The following AATF variants were observed in gnomAD, a reference collection of about 807,000 sequenced individuals.
The protein encoded by AATF is protein AATF.
A neutral mutation model predicts 63.7 loss-of-function variants in AATF; 48 were observed. The observed-to-expected ratio is 0.75, with a 90% CI of 0.60 to 0.96. AATF has a LOEUF of 0.96. Ranked by LOEUF, AATF falls within the 40% of genes least tolerant of loss-of-function variation. The pLI is 0.00. For missense variants in AATF, 639 were observed against 685.7 expected, an observed-to-expected ratio of 0.93 and a Z score of 0.76; for synonymous variants, 258 against 247.7, an observed-to-expected ratio of 1.04 and a Z score of -0.39.
intron 8 of AATF, among the ~76,000 whole-genome samples, chr17:37,008,817 C>T (rs1313786201): frequency 2.0e-5 from 3 of 152,288 alleles, no homozygotes; most frequent in East Asian, 1.9e-4. Flanking sequence ...CACTGCACTC[C>T]AGTGTGAGCG....
chr17:37,011,790 G>C (rs181037612), intron 8 of AATF, among the ~76,000 whole-genome samples: 20 of 152,274 alleles, frequency 1.3e-4, no homozygotes, highest in Non-Finnish European at 2.6e-4. Context: ...ATGCCCATTA[G>C]ACATAGAGAT....
intron 11 of AATF, among the ~76,000 whole-genome samples, chr17:37,050,629 G>T (rs936097003): frequency 6.6e-6 from 1 of 152,214 alleles, no homozygotes; most frequent in South Asian, 2.1e-4. Flanking sequence ...TACTTGTAGG[G>T]TTTCAGATCG....
At chr17:37,010,578 A>T (rs1353644472) in intron 8 of AATF, among the ~76,000 whole-genome samples, 1 of 152,208 alleles carries the variant, frequency 6.6e-6, no homozygotes, top group Non-Finnish European at 1.5e-5. Flanking sequence ...CACACAGCAT[A>T]CAGTCAGCAA....
chr17:37,007,963 T>C (rs2071354813), intron 8 of AATF, among the ~76,000 whole-genome samples: 1 of 152,224 alleles, frequency 6.6e-6, no homozygotes, highest in Non-Finnish European at 1.5e-5. Flanking sequence ...CTTTAACCCA[T>C]AGCATACTTT....
At chr17:37,031,053 T>G (rs1264410229) in intron 10 of AATF, among the ~76,000 whole-genome samples, 3 of 152,214 alleles carry the variant, frequency 2.0e-5, no homozygotes, top group Admixed American at 6.5e-5. Context: ...TACAGTATAC[T>G]GTTATCAGAC....
At position 37,056,867 on chromosome 17, in the gene AATF, C is replaced by T. The variant is rs1191596196; in HGVS notation, c.*203C>T. The stretch of plus-strand genomic sequence containing the variant: ...CGCCACAAATAAAGAGCATTGTTAC[C>T]GCCACCACCGCTTGTGATTTCTTAA... On this transcript the variant is annotated 3_prime_UTR_variant, in exon 12 of 12. Transcript: ENST00000619387. 2.7e-5 allele frequency: 16 copies of T among 584,958 alleles called. No individual in the cohort carries two copies. The highest frequency in any genetic ancestry group is 1.7e-4 in the East Asian group (6 of 35,254). 36.2% of individuals were successfully genotyped at this position (584,958 alleles called of 1,614,324 possible). A position where few individuals can be genotyped will look rare whatever the true frequency, so the allele number is the denominator to read the frequency against.
intron 8 of AATF, among the ~76,000 whole-genome samples, chr17:36,994,594 G>A (rs936777086): frequency 2.0e-5 from 3 of 152,174 alleles, no homozygotes; most frequent in Non-Finnish European, 4.4e-5. Flanking sequence ...TTGTCAAAGC[G>A]CATTCCTAAA....
At chr17:37,042,013 A>G (rs1008148462) in intron 11 of AATF, among the ~76,000 whole-genome samples, 2 of 151,132 alleles carry the variant, frequency 1.3e-5, no homozygotes, top group African/African-American at 4.9e-5. Context: ...TCCTTTGCCC[A>G]TTTTCTTTTT....
At chr17:36,997,049 G>A (rs1206974684) in intron 8 of AATF, among the ~76,000 whole-genome samples, 1 of 152,108 alleles carries the variant, frequency 6.6e-6, no homozygotes, top group Non-Finnish European at 1.5e-5. Flanking sequence ...GCAAATATGT[G>A]GCCAAAATTA....
chr17:36,974,252 GT>G (rs1371107972), intron 4 of AATF, among the ~76,000 whole-genome samples: 1 of 152,024 alleles, frequency 6.6e-6, no homozygotes, highest in Admixed American at 6.6e-5. Flanking sequence ...TCTGTAATTT[GT>G]TTTGCAGTCC....
chr17:37,030,541 T>C (rs1040308779), intron 10 of AATF, among the ~76,000 whole-genome samples: 1 of 152,144 alleles, frequency 6.6e-6, no homozygotes, highest in Non-Finnish European at 1.5e-5. Context: ...CTGTATAAGG[T>C]CATATATTTT....
At chr17:36,973,558 AG>A (rs1208238441) in intron 4 of AATF, among the ~76,000 whole-genome samples, 1 of 152,220 alleles carries the variant, frequency 6.6e-6, no homozygotes, top group Non-Finnish European at 1.5e-5. Context: ...ATAGAACAGA[AG>A]GCTTAGAGCA....
intron 4 of AATF, among the ~76,000 whole-genome samples, chr17:36,981,519 C>T (rs2071123531): frequency 6.6e-6 from 1 of 151,770 alleles, no homozygotes; most frequent in African/African-American, 2.4e-5. Flanking sequence ...TCATGGGTCA[C>T]TGCAGCCTCG....
chr17:37,046,510 C>T (rs941475496), intron 11 of AATF, among the ~76,000 whole-genome samples: 2 of 152,086 alleles, frequency 1.3e-5, no homozygotes, highest in Non-Finnish European at 2.9e-5. Flanking sequence ...TCCCCTGACT[C>T]GCATTGCAGA....
At chr17:37,044,302 A>G (rs958551142) in intron 11 of AATF, among the ~76,000 whole-genome samples, 2 of 152,194 alleles carry the variant, frequency 1.3e-5, no homozygotes, top group Non-Finnish European at 1.5e-5. Context: ...CTCCATGCTA[A>G]ACCATTGCAC....
intron 4 of AATF, among the ~76,000 whole-genome samples, chr17:36,960,947 G>T (rs1313158159): frequency 6.6e-6 from 1 of 152,112 alleles, no homozygotes; most frequent in African/African-American, 2.4e-5. Flanking sequence ...GAAGCATAAA[G>T]AAGAAAATAA....
At position 36,954,445 on chromosome 17, in the gene AATF, A is replaced by G. The variant is rs144407907; in HGVS notation, c.832+538A>G. 7.3e-3 allele frequency among the ~76,000 whole-genome samples: 1,108 copies of G among 152,298 alleles called. 16 individuals carry two copies. The highest frequency in any genetic ancestry group is 0.025 in the African/African-American group (1,038 of 41,548). On this transcript the variant is annotated intron_variant, in intron 4 of 11. Transcript: ENST00000619387. ...AAACCCACTGATGTAGAAAGGGAGA[A>G]AAAGAATGTCTAATTCAGCTCATTA...
intron 2 of AATF, among the ~76,000 whole-genome samples, chr17:36,951,123 G>A (rs2070851731): frequency 1.3e-5 from 2 of 152,222 alleles, no homozygotes; most frequent in Non-Finnish European, 2.9e-5. Context: ...ATTTCTCAGA[G>A]TGGAAGAAGG....
chr17:37,021,924 G>A (rs1022074802), intron 10 of AATF, among the ~76,000 whole-genome samples: 1 of 151,830 alleles, frequency 6.6e-6, no homozygotes, highest in African/African-American at 2.4e-5. Context: ...ATAAGTGAAG[G>A]ACCACAGGGA....
Sources: gnomAD v4.1 joint callset for allele counts (sites outside exome capture counted in the v4.1 genomes callset) on GRCh38, gnomAD v4.1.1 for gene constraint, MANE v1.5 for transcripts, NCBI Gene and HGNC (gene_info 2026-07-23, HGNC 2026-07-21) for gene names.